Variants in SLC19A1 observed in about 807,000 individuals in gnomAD.
SLC19A1 encodes solute carrier family 19 member 1.
SLC19A1 carries 37 observed loss-of-function variants against 35.3 expected under a neutral mutation model. The ratio of observed to expected loss-of-function variants is 1.05; its 90% CI spans 0.81 to 1.38. SLC19A1 has a LOEUF of 1.38. Among genes scored for constraint, SLC19A1 ranks in the 40% most tolerant of loss-of-function variants. SLC19A1 has a pLI of 0.00. For missense variants in SLC19A1, 831 were observed against 826.9 expected, an observed-to-expected ratio of 1.00 and a Z score of -0.06; for synonymous variants, 460 against 398.5, an observed-to-expected ratio of 1.15 and a Z score of -1.84.
intron 5 of SLC19A1, 21 bp from the exon 6 acceptor site, chr21:45,516,161 A>C: frequency 1.4e-6 from 2 of 1,443,556 alleles, no homozygotes; most frequent in Non-Finnish European, 9.7e-7. Context: ...AGGCCGGGTG[A>C]GGCGGGTGGG....
At chr21:45,506,193 C>T (rs368654439) in intron 3 of SLC19A1, 111 of 585,780 alleles carry the variant, frequency 1.9e-4, no homozygotes, top group African/African-American at 1.4e-3. Context: ...GAACACATGG[C>T]GTGTGAGGGG....
intron 5 of SLC19A1, among the ~76,000 whole-genome samples, chr21:45,525,598 G>C (rs1423994892): frequency 1.3e-5 from 2 of 152,204 alleles, no homozygotes; most frequent in African/African-American, 4.8e-5. Flanking sequence ...CTGAGGCCCA[G>C]GGCCTGACGG....
upstream of SLC19A1, chr21:45,543,650 A>C (rs1188153342): frequency 1.3e-5 from 2 of 152,298 alleles, no homozygotes; most frequent in Non-Finnish European, 2.9e-5. Flanking sequence ...TTCTTTCCAG[A>C]GTCCTGAGTG....
At chr21:45,562,005 C>T (rs1380834879) in intron 1 of SLC19A1, among the ~76,000 whole-genome samples, 1 of 151,424 alleles carries the variant, frequency 6.6e-6, no homozygotes, top group East Asian at 1.9e-4. Context: ...GTGGCGGGCG[C>T]CTGTAATCCC....
chr21:45,504,199 G>A (rs2037042733), intron 3 of SLC19A1: 1 of 1,015,002 alleles, frequency 9.9e-7, no homozygotes, highest in Non-Finnish European at 1.5e-6. Context: ...GGTGTCGAGG[G>A]CGTCCCTCAG....
chr21:45,527,387 G>GC (rs1568990074), intron 4 of SLC19A1, among the ~76,000 whole-genome samples: 17 of 149,734 alleles, frequency 1.1e-4, no homozygotes, highest in South Asian at 8.6e-4. Flanking sequence ...GTGAGTGGCA[G>GC]CAGGTTAGGA....
At chr21:45,511,683 C>T (rs572053549), downstream of SLC19A1, among the ~76,000 whole-genome samples, 17 of 152,222 alleles carry the variant, frequency 1.1e-4, no homozygotes, top group South Asian at 2.1e-4. Flanking sequence ...ACGTGAGCGC[C>T]GCGATTCTTC....
At chr21:45,504,807 C>T (rs2037092414) in intron 3 of SLC19A1, among the ~76,000 whole-genome samples, 1 of 152,140 alleles carries the variant, frequency 6.6e-6, no homozygotes, top group African/African-American at 2.4e-5. Context: ...CACGTGCATC[C>T]ACCTCTGCTC....
chr21:45,524,512 C>T (rs796213564), intron 5 of SLC19A1, among the ~76,000 whole-genome samples: 1 of 10,530 alleles, frequency 9.5e-5, no homozygotes, highest in Admixed American at 6.5e-4. Flanking sequence ...GGCTCACCTG[C>T]CCTGAGTGTT....
intron 1 of SLC19A1, among the ~76,000 whole-genome samples, chr21:45,550,602 G>A (rs994999611): frequency 6.6e-6 from 1 of 152,256 alleles, no homozygotes; most frequent in Non-Finnish European, 1.5e-5. Flanking sequence ...CTCCATTCAC[G>A]GTTCAGGATC....
intron 5 of SLC19A1, 131 bp downstream of exon 5, chr21:45,525,686 G>A: frequency 1.0e-6 from 1 of 986,060 alleles, no homozygotes; most frequent in African/African-American, 1.6e-5. Flanking sequence ...GTGTCCCACT[G>A]GAAGCCCCAG....
chr21:45,542,540 CG>C (rs1304948836), upstream of SLC19A1: 3 of 151,120 alleles, frequency 2.0e-5, no homozygotes, highest in Admixed American at 6.6e-5. Flanking sequence ...CCGGGCGCTG[CG>C]GCAGGAGCGT....
chr21:45,531,687 C>T lies in SLC19A1; in HGVS notation c.651G>A (p.Arg217=), dbSNP rs774978061. 1.9e-6 allele frequency: 3 copies of T among 1,612,576 alleles called. No individual in the cohort carries two copies. Among genetic ancestry groups the T allele is most frequent in the South Asian group, 2.2e-5 (2 of 91,050 alleles). Residue 217 remains arginine (R), a synonymous_variant, in exon 3 of 6, where the codon CGG becomes CGA. Transcript: ENST00000311124. ...KRSLFFNRDD[R]GRCETSASEL... ...CCGAAGCCGAGGTTTCGCACCGCCC[C>T]CGGTCGTCGCGGTTGAAGAAGAGGC...
intron 1 of SLC19A1, among the ~76,000 whole-genome samples, chr21:45,552,905 A>G (rs550086302): frequency 8.5e-4 from 130 of 152,236 alleles, no homozygotes; most frequent in African/African-American, 3.0e-3. Flanking sequence ...CCAGCAGAGC[A>G]GACGGCCTCT....
At chr21:45,505,567 G>A in intron 3 of SLC19A1, 2 of 690,556 alleles carry the variant, frequency 2.9e-6, no homozygotes, top group South Asian at 3.2e-5. Flanking sequence ...TTCCAGGGTG[G>A]AAGCGGGGCC....
At chr21:45,510,775 G>A (rs2037531493), downstream of SLC19A1, among the ~76,000 whole-genome samples, 1 of 152,162 alleles carries the variant, frequency 6.6e-6, no homozygotes, top group African/African-American at 2.4e-5. Context: ...CAGAGACCCA[G>A]GGCTGGGAGC....
At chr21:45,538,516 C>T (rs924287334) in intron 1 of SLC19A1, among the ~76,000 whole-genome samples, 1 of 152,210 alleles carries the variant, frequency 6.6e-6, no homozygotes, top group Non-Finnish European at 1.5e-5. Context: ...AGGCCGGGGT[C>T]ACACCACAGG....
chr21:45,512,304 T>TG (rs757303028), downstream of SLC19A1: 3 of 1,612,374 alleles, frequency 1.9e-6, no homozygotes, highest in Non-Finnish European at 2.5e-6. Flanking sequence ...TCCTCGCTGC[T>TG]GGGGGGCAGG....
chr21:45,544,975 C>T (rs754332250), upstream of SLC19A1, among the ~76,000 whole-genome samples: 2 of 152,226 alleles, frequency 1.3e-5, no homozygotes, highest in African/African-American at 2.4e-5. Flanking sequence ...TTAAGGTCCC[C>T]GTCAGCATAG....
Sources: allele counts gnomAD v4.1 joint callset (sites outside exome capture counted in the v4.1 genomes callset), GRCh38; gene constraint gnomAD v4.1.1; transcripts MANE v1.5; gene names NCBI Gene and HGNC (gene_info 2026-07-23, HGNC 2026-07-21).